Variants in SPAG9 observed in about 807,000 individuals in gnomAD.
The protein encoded by SPAG9 is sperm associated antigen 9.
Under a neutral mutation model 166.5 loss-of-function variants are expected in SPAG9, and 35 were observed. The ratio of observed to expected loss-of-function variants is 0.21; its 90% CI spans 0.16 to 0.28. The LOEUF is 0.28. Ranked by LOEUF, SPAG9 falls within the 10% of genes least tolerant of loss-of-function variation. The pLI is 1.00. For missense variants in SPAG9, 1,235 were observed against 1,603.3 expected (o/e 0.77, Z 3.92); for synonymous variants, 534 against 565.5 (o/e 0.94, Z 0.79).
At chr17:50,982,180 A>C (rs1355133646) in intron 25 of SPAG9, among the ~76,000 whole-genome samples, 1 of 152,210 alleles carries the variant, frequency 6.6e-6, no homozygotes, top group African/African-American at 2.4e-5. Flanking sequence ...GAGGACAGGG[A>C]GGAATCCTCT....
intron 1 of SPAG9, among the ~76,000 whole-genome samples, chr17:51,109,150 C>A (rs1224742439): frequency 6.6e-6 from 1 of 152,080 alleles, no homozygotes; most frequent in African/African-American, 2.4e-5. Context: ...GCATGAGCCA[C>A]CACGCCTGGC....
At chr17:51,074,956 G>A (rs1438348505) in intron 2 of SPAG9, among the ~76,000 whole-genome samples, 2 of 151,956 alleles carry the variant, frequency 1.3e-5, no homozygotes, top group Non-Finnish European at 2.9e-5. Flanking sequence ...CAGCACTTTG[G>A]GAGGCTGAGG....
intron 20 of SPAG9, 72 bp from the exon 21 acceptor site, chr17:50,989,944 G>A: frequency 7.8e-7 from 1 of 1,288,918 alleles, no homozygotes; most frequent in Non-Finnish European, 1.1e-6. Flanking sequence ...ACAAACCCCT[G>A]TTATAGAATT....
At position 51,120,244 on chromosome 17, in the gene SPAG9, C is replaced by T. The variant is rs1363195810; in HGVS notation, c.303+110G>A. On this transcript the variant is annotated intron_variant, in intron 1 of 29. Coordinates refer to ENST00000262013, the MANE Select transcript of SPAG9 (RefSeq NM_001130528.3). The surrounding 1 kb of genome is among the most constrained non-coding windows in gnomAD (Gnocchi z 4.7). The stretch of plus-strand genomic sequence containing the variant: ...GGTCCCAGGGGGCATCGGCCTCAGG[C>T]CCGCCCTCCAGGAGGCCCGTCGCGC... 23 of 999,324 alleles carry T rather than the reference C, an allele frequency of 2.3e-5. No homozygotes were observed. The highest frequency in any genetic ancestry group is 3.0e-5 in the East Asian group (1 of 33,880). The allele number at this position is 999,324 out of a possible 1,614,324, so 61.9% of individuals were successfully genotyped here. A position where few individuals can be genotyped will look rare whatever the true frequency, so the allele number is the denominator to read the frequency against.
intron 1 of SPAG9, among the ~76,000 whole-genome samples, chr17:51,108,861 G>A (rs894055414): frequency 1.3e-5 from 2 of 150,886 alleles, no homozygotes; most frequent in East Asian, 1.9e-4. Flanking sequence ...CAAAAGTTTC[G>A]CTCTTGTTGC....
chr17:51,060,068 C>G (rs768400708), intron 2 of SPAG9, among the ~76,000 whole-genome samples: 9 of 152,088 alleles, frequency 5.9e-5, no homozygotes, highest in Non-Finnish European at 1.3e-4. Context: ...TGTCAAGTCA[C>G]AACACTCTTT....
At chr17:50,970,671 A>G in intron 29 of SPAG9, 36 bp downstream of exon 29, 1 of 1,590,128 alleles carries the variant, frequency 6.3e-7, no homozygotes, top group Non-Finnish European at 8.6e-7. Flanking sequence ...GTCATAGCAC[A>G]CAGTGCAAAC....
intron 3 of SPAG9, among the ~76,000 whole-genome samples, chr17:51,055,651 T>A (rs529746195): frequency 6.6e-6 from 1 of 151,780 alleles, no homozygotes; most frequent in African/African-American, 2.4e-5. Context: ...ATGGGAAATA[T>A]AGGACTAGCA....
chr17:51,080,651 G>A (rs1395915063), intron 1 of SPAG9, among the ~76,000 whole-genome samples: 1 of 152,008 alleles, frequency 6.6e-6, no homozygotes, highest in Non-Finnish European at 1.5e-5. Context: ...GCGAGGCTGA[G>A]GAGAGCAGAT....
intron 29 of SPAG9, among the ~76,000 whole-genome samples, chr17:50,968,021 C>G (rs1973489828): frequency 6.6e-6 from 1 of 152,172 alleles, no homozygotes; most frequent in Non-Finnish European, 1.5e-5. Flanking sequence ...CAGTACGGTT[C>G]CAACTGACAT....
chr17:50,983,273 T>C (rs1025768436), intron 24 of SPAG9, among the ~76,000 whole-genome samples: 15 of 152,244 alleles, frequency 9.9e-5, no homozygotes, highest in African/African-American at 3.6e-4. Flanking sequence ...TTGTATGTAA[T>C]CACCCACTCG....
intron 8 of SPAG9, among the ~76,000 whole-genome samples, chr17:51,016,866 A>G (rs1401196411): frequency 6.6e-6 from 1 of 152,200 alleles, no homozygotes; most frequent in Non-Finnish European, 1.5e-5. Flanking sequence ...ACACCACTGC[A>G]CTCCAGCCTG....
At chr17:51,064,079 T>A (rs2047595188) in intron 2 of SPAG9, among the ~76,000 whole-genome samples, 1 of 152,202 alleles carries the variant, frequency 6.6e-6, no homozygotes, top group African/African-American at 2.4e-5. Context: ...GAGGAGTAAA[T>A]GAGAGCCTGT....
intron 1 of SPAG9, among the ~76,000 whole-genome samples, chr17:51,086,897 G>A (rs1228973431): frequency 2.0e-5 from 3 of 152,136 alleles, no homozygotes; most frequent in African/African-American, 7.2e-5. Flanking sequence ...ACTCCAGCCT[G>A]GGTGACAGAG....
rs567556281 is a variant in SPAG9, at chr17:50,972,811, G to A, written c.3701-1955C>T. On this transcript the variant is annotated intron_variant, in intron 28 of 29. Coordinates refer to ENST00000262013, the MANE Select transcript of SPAG9 (RefSeq NM_001130528.3). ...CCAGCAATGACTTCTGTTGGTAGAC[G>A]AGTTAGTTCTGCCACAGAAGCAAGA... Among the ~76,000 whole-genome samples, 8 of 152,366 alleles carry A rather than the reference G, an allele frequency of 5.3e-5. No individual in the cohort carries two copies. The East Asian group carries it at 1.5e-3, about 29-fold the overall frequency.
chr17:51,089,663 T>TATAC (rs1403230293), intron 1 of SPAG9, among the ~76,000 whole-genome samples: 29 of 78,286 alleles, frequency 3.7e-4, no homozygotes, highest in East Asian at 6.8e-4. Flanking sequence ...TATATATATA[T>TATAC]ACACATACAC....
Position 51,086,837 on chromosome 17 carries a change from G to T in SPAG9, c.304-7133C>A, listed in dbSNP as rs148052216. Among the ~76,000 whole-genome samples, 30 of 152,296 alleles carry T rather than the reference G, an allele frequency of 2.0e-4. No individual in the cohort carries two copies. The East Asian group carries it at 4.4e-3, about 23-fold the overall frequency. On this transcript the variant is annotated intron_variant, in intron 1 of 29. Transcript: ENST00000262013. ...CTTGGGAGGCTGAGGTAGGAAAATT[G>T]CTTGAACCCAGGCGGCAGAAGTTGT... is the stretch of plus-strand genomic sequence containing the variant.
At position 50,991,950 on chromosome 17, in the gene SPAG9, TTTA is replaced by T. The variant is rs1003665535; in HGVS notation, c.2399-1285_2399-1283del. ...TTTTTTTTTTTTTTTTTTTTTTTTTTTTAAAACACAGGGTCTTACTCCCATTGC... is the reference window on the plus strand; with the variant it reads ...TTTTTTTTTTTTTTTTTTTTTTTTTTAAACACAGGGTCTTACTCCCATTGC... On this transcript the variant is annotated intron_variant, in intron 19 of 29. Transcript: ENST00000262013. Among the ~76,000 whole-genome samples, 20 of 139,388 alleles carry T rather than the reference TTTA, an allele frequency of 1.4e-4. 1 individual carries two copies. Among genetic ancestry groups the T allele is most frequent in the African/African-American group, 3.7e-4 (13 of 34,714 alleles). The allele number at this position is 139,388 out of a possible 152,430, so 91.4% of individuals were successfully genotyped here.
intron 5 of SPAG9, among the ~76,000 whole-genome samples, chr17:51,038,766 C>T (rs2046718427): frequency 6.6e-6 from 1 of 152,158 alleles, no homozygotes; most frequent in Non-Finnish European, 1.5e-5. Context: ...AAAATGAGTA[C>T]CCATCCTTAC....
Sources: gnomAD v4.1 joint callset for allele counts (sites outside exome capture counted in the v4.1 genomes callset) on GRCh38, gnomAD v4.1.1 for gene constraint, Gnocchi (gnomAD v3.1) non-coding constraint, MANE v1.5 for transcripts, NCBI Gene and HGNC (gene_info 2026-07-23, HGNC 2026-07-21) for gene names.